PKIG: variants seen among roughly 807,000 people sequenced by gnomAD.
PKIG encodes cAMP-dependent protein kinase inhibitor gamma.
PKIG carries 1 observed loss-of-function variant against 6.8 expected under a neutral mutation model. The ratio of observed to expected loss-of-function variants is 0.15; its 90% confidence interval spans 0.05 to 0.69. The LOEUF (loss-of-function observed/expected upper bound fraction) is 0.69. PKIG is among the 30% of genes least tolerant of loss of function. The pLI is 0.82. For missense variants in PKIG, 77 were observed against 104.0 expected (o/e 0.74, Z 1.13); for synonymous variants, 39 against 43.0 (o/e 0.91, Z 0.36).
chr20:44,545,488 G>A (rs561713818), intron 1 of PKIG, among the ~76,000 whole-genome samples: 4 of 152,094 alleles, frequency 2.6e-5, no homozygotes, highest in Non-Finnish European at 5.9e-5. Context: ...AATTAGGGGT[G>A]GAAGAGACCT....
chr20:44,575,934 T>C (rs1382697876), intron 1 of PKIG, among the ~76,000 whole-genome samples: 2 of 152,156 alleles, frequency 1.3e-5, no homozygotes, highest in Non-Finnish European at 2.9e-5. Flanking sequence ...CACCATTCCT[T>C]GTCTCTCATT....
At chr20:44,584,352 G>C in intron 1 of PKIG, among the ~76,000 whole-genome samples, 1 of 151,884 alleles carries the variant, frequency 6.6e-6, no homozygotes, top group East Asian at 1.9e-4. Flanking sequence ...TAAACTTAAA[G>C]CCCGCCATCC....
intron 1 of PKIG, among the ~76,000 whole-genome samples, chr20:44,534,481 T>C (rs1279375380): frequency 6.6e-6 from 1 of 152,076 alleles, no homozygotes. Flanking sequence ...TCTTTTTTTT[T>C]TTTTTGGGAC....
At chr20:44,539,406 G>T (rs1433093220) in intron 1 of PKIG, among the ~76,000 whole-genome samples, 1 of 151,284 alleles carries the variant, frequency 6.6e-6, no homozygotes, top group South Asian at 2.1e-4. Context: ...ACACAAATTT[G>T]TAAACTTTCT....
intron 2 of PKIG, among the ~76,000 whole-genome samples, chr20:44,604,439 A>C (rs76418401): frequency 0.085 from 12,960 of 152,292 alleles, 661 homozygotes; most frequent in African/African-American, 0.14. Context: ...AGATGATGTC[A>C]TGAGAGAGAA....
intron 1 of PKIG, among the ~76,000 whole-genome samples, chr20:44,550,339 G>A (rs192321486): frequency 1.6e-4 from 25 of 151,620 alleles, no homozygotes; most frequent in South Asian, 6.3e-4. Flanking sequence ...CATTTAGCCC[G>A]TCCCTAAAGA....
At chr20:44,575,979 T>TGTTTG (rs2064893755) in intron 1 of PKIG, among the ~76,000 whole-genome samples, 1 of 152,214 alleles carries the variant, frequency 6.6e-6, no homozygotes, top group South Asian at 2.1e-4. Context: ...TGCTCCAAAC[T>TGTTTG]TCAGCTTCTG....
intron 2 of PKIG, among the ~76,000 whole-genome samples, chr20:44,606,342 TAAG>T (rs2065163233): frequency 6.6e-6 from 1 of 152,196 alleles, no homozygotes; most frequent in South Asian, 2.1e-4. Flanking sequence ...AAAACAGCAT[TAAG>T]AAGACTGTGG....
chr20:44,547,404 T>C (rs758197236), intron 1 of PKIG, among the ~76,000 whole-genome samples: 2 of 152,224 alleles, frequency 1.3e-5, no homozygotes, highest in Non-Finnish European at 2.9e-5. Flanking sequence ...GAGAATATGA[T>C]GACATCAGGA....
At chr20:44,577,828 C>T (rs771947250), upstream of PKIG, among the ~76,000 whole-genome samples, 1 of 152,102 alleles carries the variant, frequency 6.6e-6, no homozygotes, top group Non-Finnish European at 1.5e-5. Context: ...AGATATCCGT[C>T]AGTTGCTAGC....
At chr20:44,593,572 T>C (rs2123397579) in intron 2 of PKIG, among the ~76,000 whole-genome samples, 1 of 151,728 alleles carries the variant, frequency 6.6e-6, no homozygotes, top group East Asian at 1.9e-4. Context: ...TAAGAGAGAG[T>C]AGAAGGGTGG....
At chr20:44,570,963 G>A (rs1030078587) in intron 1 of PKIG, among the ~76,000 whole-genome samples, 1 of 152,174 alleles carries the variant, frequency 6.6e-6, no homozygotes, top group African/African-American at 2.4e-5. Flanking sequence ...GCCAGGCACC[G>A]TGGCTCACGC....
chr20:44,578,181 A>G (rs1231372779), upstream of PKIG, among the ~76,000 whole-genome samples: 3 of 151,984 alleles, frequency 2.0e-5, no homozygotes, highest in Non-Finnish European at 2.9e-5. Flanking sequence ...TCTACTAAGC[A>G]TACAAAAAAA....
intron 1 of PKIG, among the ~76,000 whole-genome samples, chr20:44,554,451 T>C (rs968595309): frequency 6.6e-6 from 1 of 152,196 alleles, no homozygotes; most frequent in African/African-American, 2.4e-5. Flanking sequence ...TATACCTATG[T>C]AACCAACACC....
intron 1 of PKIG, among the ~76,000 whole-genome samples, chr20:44,572,466 C>T (rs1024160138): frequency 6.6e-6 from 1 of 152,074 alleles, no homozygotes; most frequent in Non-Finnish European, 1.5e-5. Flanking sequence ...GATTAAAAGT[C>T]ACTTGCTCTT....
At chr20:44,537,474 T>C (rs1294409981) in intron 1 of PKIG, among the ~76,000 whole-genome samples, 1 of 151,870 alleles carries the variant, frequency 6.6e-6, no homozygotes, top group African/African-American at 2.4e-5. Flanking sequence ...CCTCAAGTGA[T>C]CTGCCTGCCT....
chr20:44,550,352 TG>T (rs1215661233), intron 1 of PKIG, among the ~76,000 whole-genome samples: 1 of 151,760 alleles, frequency 6.6e-6, no homozygotes, highest in East Asian at 1.9e-4. Flanking sequence ...CCTAAAGAAC[TG>T]AGGGTTCTGG....
intron 1 of PKIG, among the ~76,000 whole-genome samples, chr20:44,568,789 G>A (rs984371319): frequency 6.6e-6 from 1 of 151,994 alleles, no homozygotes; most frequent in Non-Finnish European, 1.5e-5. Flanking sequence ...GATATTCTTC[G>A]ATAGTATCAT....
intron 2 of PKIG, among the ~76,000 whole-genome samples, chr20:44,600,830 C>T (rs1265009937): frequency 6.6e-6 from 1 of 151,948 alleles, no homozygotes; most frequent in Non-Finnish European, 1.5e-5. Context: ...AAGGCCGTGG[C>T]GAGCAGGCTG....
Sources: allele counts gnomAD v4.1 joint callset (sites outside exome capture counted in the v4.1 genomes callset), GRCh38; gene constraint gnomAD v4.1.1; transcripts MANE v1.5; gene names NCBI Gene and HGNC (gene_info 2026-07-23, HGNC 2026-07-21).